The following PCDHGB3 variants were observed in gnomAD, a reference collection of about 807,000 sequenced individuals.
The protein encoded by PCDHGB3 is protocadherin gamma subfamily B, 3.
Under a neutral mutation model 59.2 loss-of-function variants are expected in PCDHGB3, and 40 were observed. The ratio of observed to expected loss-of-function variants is 0.68; its 90% CI spans 0.52 to 0.88. PCDHGB3 has a LOEUF of 0.88. Among genes scored for constraint, PCDHGB3 ranks in the 40% least tolerant of loss-of-function variants. PCDHGB3 has a pLI of 0.00. For missense variants in PCDHGB3, 1,309 were observed against 1,187.9 expected (o/e 1.10, Z -1.50); for synonymous variants, 581 against 503.6 (o/e 1.15, Z -2.06).
At chr5:141,417,345 A>G (rs937116752) in intron 1 of PCDHGB3, 3 of 153,022 alleles carry the variant, frequency 2.0e-5, no homozygotes, top group African/African-American at 7.2e-5. Flanking sequence ...GAGACCTATA[A>G]ACCTTCATGC....
Position 141,477,304 on chromosome 5 carries a change from T to C in PCDHGB3, c.2416-17503T>C. The C allele has an allele frequency of 6.2e-7, 1 of 1,614,160 alleles. No individual in the cohort carries two copies. Among genetic ancestry groups the C allele is most frequent in the Non-Finnish European group, 8.5e-7 (1 of 1,180,030 alleles). ...CCTGCGAAGTTCCACCGGGTCTCCCTTTCAGCCTTACTTCTTCCCTCAAGA... is the reference window on the plus strand; with the variant it reads ...CCTGCGAAGTTCCACCGGGTCTCCCCTTCAGCCTTACTTCTTCCCTCAAGA... On this transcript the variant is annotated intron_variant, in intron 1 of 3. Transcript: ENST00000576222. This position sits in a 1 kb window ranked among gnomAD's most constrained non-coding sequence, Gnocchi z 4.9.
Position 141,489,857 on chromosome 5 carries a change from C to T in PCDHGB3, c.2416-4950C>T. 2 of 1,614,166 alleles carry T rather than the reference C, an allele frequency of 1.2e-6. No individual in the cohort carries two copies. On this transcript the variant is annotated intron_variant, in intron 1 of 3. Coordinates refer to ENST00000576222, the MANE Select transcript of PCDHGB3 (RefSeq NM_018924.5). This position sits in a 1 kb window ranked among gnomAD's most constrained non-coding sequence, Gnocchi z 4.5. ...CAGCAGCTGGATCGTGAAGCCCAGGCAAGACATCAGCTGGTGCTTACTGCT... is the reference window on the plus strand; with the variant it reads ...CAGCAGCTGGATCGTGAAGCCCAGGTAAGACATCAGCTGGTGCTTACTGCT...
intron 1 of PCDHGB3, chr5:141,422,889 G>A (rs62378455): frequency 0.035 from 55,863 of 1,614,202 alleles, 1,109 homozygotes; most frequent in Middle Eastern, 0.098. Context: ...TGTTCGTGCT[G>A]GACCAGAACG....
chr5:141,419,378 G>C (rs777509820), intron 1 of PCDHGB3: 3 of 1,613,712 alleles, frequency 1.9e-6, no homozygotes, highest in Admixed American at 3.3e-5. Context: ...CTACGTGTCC[G>C]TGAGCGCGCA....
At chr5:141,389,883 C>A in intron 1 of PCDHGB3, 1 of 1,614,084 alleles carries the variant, frequency 6.2e-7, no homozygotes. Context: ...CGACAGCTTG[C>A]AGGAGGTGCT....
At chr5:141,376,348 C>G in intron 1 of PCDHGB3, 6 of 1,614,184 alleles carry the variant, frequency 3.7e-6, no homozygotes, top group Non-Finnish European at 5.1e-6. Context: ...CCTATTCCCA[C>G]GAGGTCTCAC....
intron 1 of PCDHGB3, chr5:141,384,672 G>A (rs1316537355): frequency 6.2e-7 from 1 of 1,614,086 alleles, no homozygotes; most frequent in Non-Finnish European, 8.5e-7. Flanking sequence ...TGACCAAGGT[G>A]GTGGCGGTGG....
At chr5:141,413,444 C>T (rs2095641519) in intron 1 of PCDHGB3, 2 of 1,613,998 alleles carry the variant, frequency 1.2e-6, no homozygotes, top group Non-Finnish European at 1.7e-6. Context: ...AGCTTGATCA[C>T]CGCGGGCAGG....
In PCDHGB3 at chr5:141,371,925, A is replaced by G; in HGVS notation, c.1531A>G (p.Ser511Gly). ...LSSYVSVSARSGVVFAQRAFD... is the reference protein window; with the variant it reads ...LSSYVSVSARGGVVFAQRAFD... ...GTCCTACGTGTCCGTGAGCGCGCGG[A>G]GCGGGGTGGTGTTCGCGCAGCGAGC... Residue 511 changes from serine to glycine, a missense_variant, in exon 1 of 4, where the codon AGC (serine) becomes GGC (glycine). Physicochemically the swap from Ser to Gly is moderately conservative, Grantham distance 56. Coordinates refer to ENST00000576222, the MANE Select transcript of PCDHGB3 (RefSeq NM_018924.5). 3 of 1,613,324 alleles carry G rather than the reference A, an allele frequency of 1.9e-6. No individual in the cohort carries two copies. The highest frequency in any genetic ancestry group is 4.5e-5 in the East Asian group (2 of 44,876).
At chr5:141,404,947 T>G (rs561446437) in intron 1 of PCDHGB3, 9 of 1,613,826 alleles carry the variant, frequency 5.6e-6, no homozygotes, top group Non-Finnish European at 7.6e-6. Flanking sequence ...TAGCCATAGC[T>G]GACAGCATCC....
chr5:141,425,845 GT>G (rs2096898477), intron 1 of PCDHGB3, among the ~76,000 whole-genome samples: 1 of 152,126 alleles, frequency 6.6e-6, no homozygotes, highest in Non-Finnish European at 1.5e-5. Context: ...TCTTTGCTGG[GT>G]TAATGACTGT....
intron 1 of PCDHGB3, among the ~76,000 whole-genome samples, chr5:141,447,631 A>G (rs59518107): frequency 0.11 from 16,809 of 152,214 alleles, 1,093 homozygotes; most frequent in African/African-American, 0.17. Flanking sequence ...AACCAACAGT[A>G]TGAATGATGG....
intron 1 of PCDHGB3, chr5:141,376,397 C>T (rs761002002): frequency 6.8e-6 from 11 of 1,614,110 alleles, no homozygotes; most frequent in South Asian, 3.3e-5. Flanking sequence ...GATTTTCCCC[C>T]AGCCCAACTA....
At chr5:141,410,849 CT>C (rs759346998) in intron 1 of PCDHGB3, 9,989 of 137,410 alleles carry the variant, frequency 0.073, 1 homozygote, top group South Asian at 0.15. Context: ...TTGTCTTTGT[CT>C]TTTTTTTTTT....
chr5:141,415,102 A>G, intron 1 of PCDHGB3: 2 of 1,613,550 alleles, frequency 1.2e-6, no homozygotes, highest in Non-Finnish European at 8.5e-7. Flanking sequence ...AGACGCGCTC[A>G]AGCAAAGCCT....
chr5:141,421,491 A>G (rs934861223), intron 1 of PCDHGB3: 8 of 1,614,102 alleles, frequency 5.0e-6, no homozygotes, highest in Non-Finnish European at 6.8e-6. Context: ...TGATCACGGC[A>G]GGCAGGATAG....
intron 1 of PCDHGB3, chr5:141,415,782 T>C: frequency 7.4e-7 from 1 of 1,356,228 alleles, no homozygotes. Context: ...TACTTTCTGG[T>C]AAAATTCACC....
intron 1 of PCDHGB3, chr5:141,375,345 C>A (rs749825552): frequency 1.9e-6 from 3 of 1,613,740 alleles, no homozygotes; most frequent in Non-Finnish European, 2.5e-6. Context: ...TACAACATCA[C>A]TGTGACAGCC....
chr5:141,419,207 CCGGTTTTCGGACAGT>C, intron 1 of PCDHGB3: 5 of 1,613,998 alleles, frequency 3.1e-6, no homozygotes, highest in Non-Finnish European at 4.2e-6. Flanking sequence ...TGACAACGCG[CCGGTTTTCGGACAGT>C]CAGCCTACCT....
Sources: gnomAD v4.1 joint callset for allele counts (sites outside exome capture counted in the v4.1 genomes callset) on GRCh38, gnomAD v4.1.1 for gene constraint, Gnocchi (gnomAD v3.1) non-coding constraint, MANE v1.5 for transcripts, NCBI Gene and HGNC (gene_info 2026-07-23, HGNC 2026-07-21) for gene names.